Variants in HHIPL1 observed in about 807,000 individuals in gnomAD.
HHIPL1 encodes HHIP-like protein 1.
HHIPL1 carries 43 observed loss-of-function variants against 61.8 expected under a neutral mutation model. The observed-to-expected ratio is 0.70, with a 90% CI of 0.55 to 0.90. The LOEUF is 0.90. Among genes scored for constraint, HHIPL1 ranks in the 40% least tolerant of loss-of-function variants. The probability of loss-of-function intolerance (pLI) is 0.00; values close to 1 mark genes in which losing one functional copy is unlikely to be tolerated. For missense variants in HHIPL1, 1,056 were observed against 1,157.7 expected, an observed-to-expected ratio of 0.91 and a Z score of 1.28; for synonymous variants, 482 against 515.8, an observed-to-expected ratio of 0.93 and a Z score of 0.89.
intron 6 of HHIPL1, among the ~76,000 whole-genome samples, chr14:99,667,279 A>G (rs2056261090): frequency 6.7e-6 from 1 of 150,008 alleles, no homozygotes; most frequent in Non-Finnish European, 1.5e-5. Context: ...ACCATTCACT[A>G]GCTGTGTGAC....
At chr14:99,671,459 T>A (rs893887027) in intron 7 of HHIPL1, among the ~76,000 whole-genome samples, 14 of 152,302 alleles carry the variant, frequency 9.2e-5, no homozygotes, top group African/African-American at 3.4e-4. Context: ...AAGACCCTTG[T>A]CCCTCTTTTG....
chr14:99,679,872 CA>C lies in HHIPL1; in HGVS notation c.*4247del, dbSNP rs1340282716. Reference sequence around the variant, plus strand: ...ACATGGGAAGAAACTCTCACAATAGCAGAAGAAAGAGCTCCTTCAGCCTAAC... The same window carrying C: ...ACATGGGAAGAAACTCTCACAATAGCGAAGAAAGAGCTCCTTCAGCCTAAC... On this transcript the variant is annotated 3_prime_UTR_variant, in exon 9 of 9. Transcript: ENST00000330710. 6 of 152,366 alleles carry C rather than the reference CA, an allele frequency of 3.9e-5. No individual in the cohort carries two copies. The highest frequency in any genetic ancestry group is 3.9e-4 in the Admixed American group (6 of 15,304). 9.4% of individuals were successfully genotyped at this position (152,366 alleles called of 1,614,324 possible).
Position 99,660,873 on chromosome 14 carries a change from T to A in HHIPL1, c.1502+467T>A, listed in dbSNP as rs1210932581. 6.6e-6 allele frequency among the ~76,000 whole-genome samples: 1 copy of A among 152,042 alleles called. No individual in the cohort carries two copies. The highest frequency in any genetic ancestry group is 6.5e-5 in the Admixed American group (1 of 15,276). ...CACCCCAGCCAGGACTGCAGGGAGC[T>A]TGCAAAGGTTGAGAAACTAAGACCC... On this transcript the variant is annotated intron_variant, in intron 5 of 8. Transcript: ENST00000330710. The surrounding 1 kb of genome is among the most constrained non-coding windows in gnomAD (Gnocchi z 4.9).
rs1334501611 is a variant in HHIPL1, at chr14:99,645,352, G to A, written c.145G>A (p.Asp49Asn). The A allele has an allele frequency of 6.9e-7, 1 of 1,450,826 alleles. No individual in the cohort carries two copies. The highest frequency in any genetic ancestry group is 9.0e-7 in the Non-Finnish European group (1 of 1,105,902). The allele number at this position is 1,450,826 out of a possible 1,614,324, so 89.9% of individuals were successfully genotyped here. A position where few individuals can be genotyped will look rare whatever the true frequency, so the allele number is the denominator to read the frequency against. Reference protein sequence around the residue: ...CAQYSDFGCCDEGRDAELTRR... With the variant: ...CAQYSDFGCCNEGRDAELTRR... ...GCAGTACTCGGACTTCGGCTGCTGC[G>A]ATGAGGGGCGCGACGCCGAGCTGAC... Residue 49 changes from aspartate to asparagine, a missense_variant, in exon 1 of 9, where the codon GAT (aspartate) becomes AAT (asparagine). Asp to Asn is a conservative substitution (Grantham distance 23). Transcript: ENST00000330710.
intron 8 of HHIPL1, among the ~76,000 whole-genome samples, chr14:99,673,471 C>T (rs1321310370): frequency 1.4e-5 from 2 of 141,494 alleles, no homozygotes; most frequent in African/African-American, 5.4e-5. Flanking sequence ...ACCGTGAGGA[C>T]CCACCCAGAA....
the HHIPL1 span, among the ~76,000 whole-genome samples, chr14:99,633,583 C>T: frequency 2.6e-4 from 39 of 152,248 alleles, no homozygotes; most frequent in African/African-American, 9.4e-4. Flanking sequence ...ATTTGCACTG[C>T]GGAGGGGTCC....
In HHIPL1 at chr14:99,677,180, T is replaced by C. The variant is rs1241038888; in HGVS notation, c.*1554T>C. 2.0e-5 allele frequency: 3 copies of C among 152,286 alleles called. No individual in the cohort carries two copies. Among genetic ancestry groups the C allele is most frequent in the African/African-American group, 7.2e-5 (3 of 41,446 alleles). The allele number at this position is 152,286 out of a possible 1,614,324, so 9.4% of individuals were successfully genotyped here. ...TCCTCATACTCTGTGCTTTACAGAA[T>C]GGGAAACTGAGGCACACAGAGGTTA... On this transcript the variant is annotated 3_prime_UTR_variant, in exon 9 of 9. Transcript: ENST00000330710. The surrounding 1 kb of genome is among the most constrained non-coding windows in gnomAD (Gnocchi z 4.3).
At chr14:99,620,461 A>T in the HHIPL1 span, among the ~76,000 whole-genome samples, 1 of 152,094 alleles carries the variant, frequency 6.6e-6, no homozygotes, top group African/African-American at 2.4e-5. Context: ...GCATCCCTAC[A>T]TCCAGGTCAG....
the HHIPL1 span, among the ~76,000 whole-genome samples, chr14:99,637,232 G>T: frequency 6.8e-6 from 1 of 147,788 alleles, no homozygotes; most frequent in African/African-American, 2.6e-5. Flanking sequence ...AAGAAAGAAA[G>T]AAAGAAAGAA....
Position 99,668,908 on chromosome 14 carries a change from AT to A in HHIPL1, c.1730+609del. The A allele has an allele frequency of 1.2e-6, 2 of 1,613,626 alleles. No homozygotes were observed. Among genetic ancestry groups the A allele is most frequent in the Non-Finnish European group, 1.7e-6 (2 of 1,179,662 alleles). ...CAGCTCATTGACGTCTCAGCCGTTC[AT>A]TTTACAGTGGTGGAAATGAGCACAA... On this transcript the variant is annotated intron_variant, in intron 7 of 8. Coordinates refer to ENST00000330710, the MANE Select transcript of HHIPL1 (RefSeq NM_001127258.3). The surrounding 1 kb of genome is among the most constrained non-coding windows in gnomAD (Gnocchi z 4.7).
the HHIPL1 span, among the ~76,000 whole-genome samples, chr14:99,604,999 C>A: frequency 6.6e-5 from 10 of 152,306 alleles, no homozygotes; most frequent in Non-Finnish European, 1.3e-4. Flanking sequence ...GGCGTCCGCG[C>A]CCCTGCAGGG....
chr14:99,663,061 C>A, intron 6 of HHIPL1, 40 bp downstream of exon 6: 1 of 1,555,136 alleles, frequency 6.4e-7, no homozygotes. Flanking sequence ...GTTGCTCGTG[C>A]CTGGGACTGG....
In HHIPL1 at chr14:99,675,731, G is replaced by C. The variant is rs937653774; in HGVS notation, c.*105G>C. ...GTGCACACGTGTTCTAGAGTGAAGG[G>C]GGTGCGGGTGTGTGCTGTCCTGGGG... is the stretch of plus-strand genomic sequence containing the variant. On this transcript the variant is annotated 3_prime_UTR_variant, in exon 9 of 9. Coordinates refer to ENST00000330710, the MANE Select transcript of HHIPL1 (RefSeq NM_001127258.3). The surrounding 1 kb of genome is among the most constrained non-coding windows in gnomAD (Gnocchi z 5.4). The C allele has an allele frequency of 7.6e-6, 9 of 1,187,802 alleles. No homozygotes were observed. Among genetic ancestry groups the C allele is most frequent in the Non-Finnish European group, 1.0e-5 (9 of 876,462 alleles). The allele number at this position is 1,187,802 out of a possible 1,614,324, so 73.6% of individuals were successfully genotyped here.
At chr14:99,637,023 GAAAGAA>G in the HHIPL1 span, among the ~76,000 whole-genome samples, 1 of 90,462 alleles carries the variant, frequency 1.1e-5, no homozygotes, top group Non-Finnish European at 2.3e-5. Flanking sequence ...AAGAAAGAAA[GAAAGAA>G]AGAAAGAAAG....
In HHIPL1 at chr14:99,661,413, G is replaced by GGA. The variant is rs2056149934; in HGVS notation, c.1502+1007_1502+1008insGA. On this transcript the variant is annotated intron_variant, in intron 5 of 8. Coordinates refer to ENST00000330710, the MANE Select transcript of HHIPL1 (RefSeq NM_001127258.3). ...AAAGAGAGAGAAAGAAAGAGAGAGA[G>GGA]AGAGAAAAGAAGGAAGGAAGGAAGG... 3.4e-5 allele frequency among the ~76,000 whole-genome samples: 5 copies of GGA among 148,356 alleles called. No homozygotes were observed. In the South Asian group the frequency reaches 6.5e-4, roughly 19 times the overall value.
At chr14:99,639,663 T>G in the HHIPL1 span, among the ~76,000 whole-genome samples, 10 of 151,168 alleles carry the variant, frequency 6.6e-5, no homozygotes, top group African/African-American at 2.4e-4. Context: ...GTTTTTTTGT[T>G]TGTTTTTTTG....
upstream of HHIPL1, among the ~76,000 whole-genome samples, chr14:99,643,254 G>A (rs928908022): frequency 6.6e-6 from 1 of 151,674 alleles, no homozygotes; most frequent in African/African-American, 2.4e-5. Context: ...TGACCAGGCT[G>A]GTTTCGAACT....
intron 6 of HHIPL1, among the ~76,000 whole-genome samples, chr14:99,666,381 G>A (rs939427986): frequency 7.9e-5 from 12 of 152,232 alleles, no homozygotes; most frequent in Non-Finnish European, 1.6e-4. Flanking sequence ...CATCCGCAGG[G>A]GCTCCCTGTG....
At chr14:99,663,125 C>A in intron 6 of HHIPL1, 104 bp downstream of exon 6, 9 of 1,149,992 alleles carry the variant, frequency 7.8e-6, no homozygotes, top group South Asian at 1.9e-5. Flanking sequence ...ACCACACAGG[C>A]CTGAAATTAG....
Sources: allele counts gnomAD v4.1 joint callset (sites outside exome capture counted in the v4.1 genomes callset), GRCh38; gene constraint gnomAD v4.1.1; non-coding constraint Gnocchi (gnomAD v3.1); transcripts MANE v1.5; gene names NCBI Gene and HGNC (gene_info 2026-07-23, HGNC 2026-07-21).